Variants in A4GALT observed in about 807,000 individuals in gnomAD.
A4GALT encodes the protein alpha 1,4-galactosyltransferase (P1PK blood group), also known as lactosylceramide 4-alpha-galactosyltransferase.
For synonymous variants in A4GALT, 257 were observed against 220.7 expected, an observed-to-expected ratio of 1.16 and a Z score of -1.46; for missense variants, 512 against 486.0, an observed-to-expected ratio of 1.05 and a Z score of -0.50.
In A4GALT at chr22:42,700,868, T is replaced by C. The variant is rs78164377; in HGVS notation, c.-187-5237A>G. ...TCCGGCAGGGGAACTGGTGGGTATC[T>C]GTGTGCAGAAGTCTCTGATGGGGCT... On this transcript the variant is annotated intron_variant, in intron 1 of 2. Coordinates refer to ENST00000642412, the MANE Select transcript of A4GALT (RefSeq NM_017436.7). 8.8e-3 allele frequency among the ~76,000 whole-genome samples: 1,338 copies of C among 152,302 alleles called. 16 individuals carry two copies. The highest frequency in any genetic ancestry group is 0.031 in the African/African-American group (1,292 of 41,556).
intron 1 of A4GALT, among the ~76,000 whole-genome samples, chr22:42,699,627 A>T (rs543818605): frequency 1.5e-4 from 23 of 152,280 alleles, no homozygotes; most frequent in African/African-American, 5.5e-4. Flanking sequence ...GACTGCACAG[A>T]GGGAGATGTT....
At chr22:42,702,661 G>GCAGCCTTGGCTGGCACATGCT (rs1269632432) in intron 1 of A4GALT, among the ~76,000 whole-genome samples, 8 of 145,446 alleles carry the variant, frequency 5.5e-5, no homozygotes, top group African/African-American at 1.7e-4. Flanking sequence ...ACCCCCAACT[G>GCAGCCTTGGCTGGCACATGCT]GCATGGGAGC....
At chr22:42,703,449 T>C (rs901716272) in intron 1 of A4GALT, among the ~76,000 whole-genome samples, 1 of 151,872 alleles carries the variant, frequency 6.6e-6, no homozygotes, top group Admixed American at 6.6e-5. Flanking sequence ...AGAGACGGGG[T>C]TTCACCATCT....
intron 1 of A4GALT, among the ~76,000 whole-genome samples, chr22:42,716,079 G>A (rs890309912): frequency 5.3e-5 from 8 of 151,682 alleles, no homozygotes; most frequent in Non-Finnish European, 1.2e-4. Context: ...TGATCCGCCC[G>A]CTTCGGCCTC....
Position 42,693,754 on chromosome 22 carries a change from G to T in A4GALT, c.198C>A (p.Pro66=). The change falls in exon 3 of 3, where the codon CCC becomes CCA. Residue 66 remains proline, a synonymous_variant. Coordinates refer to ENST00000642412, the MANE Select transcript of A4GALT (RefSeq NM_017436.7). ...TGGGGCCGTGGGAGGGTGGGGTGGG[G>T]GGTGTCAAGGTGGGGCAGGGGATCT... is the stretch of plus-strand genomic sequence containing the variant. ...PAEIPCPTLT[P]PTPPSHGPTP... 6.2e-7 allele frequency: 1 copy of T among 1,607,534 alleles called. No individual in the cohort carries two copies.
chr22:42,697,692 A>G (rs12628541), intron 1 of A4GALT, among the ~76,000 whole-genome samples: 18,185 of 152,164 alleles, frequency 0.12, 1,700 homozygotes, highest in East Asian at 0.55. Flanking sequence ...CCCAATATCC[A>G]GGTGACCTCA....
chr22:42,708,270 C>T (rs1921337873), intron 1 of A4GALT, among the ~76,000 whole-genome samples: 1 of 152,064 alleles, frequency 6.6e-6, no homozygotes, highest in Non-Finnish European at 1.5e-5. Context: ...ACCTGTAATC[C>T]CAGCTACTTG....
chr22:42,703,877 T>G (rs974814781), intron 1 of A4GALT, among the ~76,000 whole-genome samples: 1 of 152,160 alleles, frequency 6.6e-6, no homozygotes, highest in Non-Finnish European at 1.5e-5. Context: ...GAGTACAGAA[T>G]TCAAATCCAG....
intron 1 of A4GALT, among the ~76,000 whole-genome samples, chr22:42,703,535 T>C (rs1920943190): frequency 6.6e-6 from 1 of 152,146 alleles, no homozygotes; most frequent in African/African-American, 2.4e-5. Flanking sequence ...ATTACAGGTG[T>C]GAGCCACTGT....
At chr22:42,708,960 A>G (rs556093223) in intron 1 of A4GALT, among the ~76,000 whole-genome samples, 42 of 151,990 alleles carry the variant, frequency 2.8e-4, no homozygotes, top group African/African-American at 9.9e-4. Flanking sequence ...CACCAGGGCA[A>G]AACATTTTGG....
At chr22:42,707,313 G>C (rs1249772875) in intron 1 of A4GALT, among the ~76,000 whole-genome samples, 1 of 151,916 alleles carries the variant, frequency 6.6e-6, no homozygotes, top group African/African-American at 2.4e-5. Context: ...TTAAAAATCG[G>C]GAATTTTTTA....
intron 1 of A4GALT, among the ~76,000 whole-genome samples, chr22:42,704,879 C>CG (rs34144703): frequency 1.2e-3 from 119 of 95,996 alleles, no homozygotes; most frequent in Admixed American, 2.9e-3. Context: ...TGGGGGGGGG[C>CG]GGGGGGGGGC....
At chr22:42,716,977 C>A (rs1018799597) in intron 1 of A4GALT, among the ~76,000 whole-genome samples, 5 of 152,190 alleles carry the variant, frequency 3.3e-5, no homozygotes, top group Non-Finnish European at 7.4e-5. Context: ...GACTGCACAG[C>A]GTGACCGCAG....
intron 1 of A4GALT, among the ~76,000 whole-genome samples, chr22:42,706,354 C>CAAAAAAAAAAAAAAAAAAAAAAAAA (rs1164664187): frequency 1.2e-5 from 1 of 83,820 alleles, no homozygotes; most frequent in African/African-American, 4.9e-5. Context: ...GACTCCATCC[C>CAAAAAAAAAAAAAAAAAAAAAAAAA]AAAAAAAAAA....
At chr22:42,714,858 A>G (rs889313395) in intron 1 of A4GALT, among the ~76,000 whole-genome samples, 2 of 152,148 alleles carry the variant, frequency 1.3e-5, no homozygotes, top group African/African-American at 4.8e-5. Flanking sequence ...GGCAGGGGCT[A>G]CTACATACAG....
chr22:42,693,441 G>A lies in A4GALT; in HGVS notation c.511C>T (p.Leu171=). The part of the protein sequence containing the change: ...AVQGRWEPYL[L]PVLSDASRIA... ...CTGGAGGCGTCGGAGAGCACGGGCA[G>A]CAGGTAGGGCTCCCAGCGCCCCTGC... Residue 171 remains leucine (L), a synonymous_variant, in exon 3 of 3, where the codon CTG becomes TTG. Transcript: ENST00000642412. 6.2e-7 allele frequency: 1 copy of A among 1,613,322 alleles called. No individual in the cohort carries two copies. Among genetic ancestry groups the A allele is most frequent in the East Asian group, 2.2e-5 (1 of 44,878 alleles).
rs201433658 is a variant in A4GALT, at chr22:42,693,991, G to A, written c.-40C>T. ...AGACCAGGAGCTTCCAGCAGGAACC[G>A]GCTGGTCTGCAAGAGATGAGCACCC... On this transcript the variant is annotated 5_prime_UTR_variant, in exon 3 of 3. Transcript: ENST00000642412. The A allele has an allele frequency of 4.6e-6, 7 of 1,528,900 alleles. No homozygotes were observed. The highest frequency in any genetic ancestry group is 4.1e-5 in the African/African-American group (3 of 72,910). 94.7% of individuals were successfully genotyped at this position (1,528,900 alleles called of 1,614,324 possible).
chr22:42,709,343 CCA>C (rs1491349642), intron 1 of A4GALT, among the ~76,000 whole-genome samples: 53 of 102,454 alleles, frequency 5.2e-4, no homozygotes, highest in East Asian at 1.6e-3. Flanking sequence ...CTGTGCCAGG[CCA>C]AAAAAAAAAA....
intron 1 of A4GALT, among the ~76,000 whole-genome samples, chr22:42,710,245 C>T (rs1921559619): frequency 1.3e-5 from 2 of 151,914 alleles, no homozygotes; most frequent in Non-Finnish European, 2.9e-5. Context: ...CTGGAAAAGT[C>T]AAGATAAATA....
Sources: gnomAD v4.1 joint callset for allele counts (sites outside exome capture counted in the v4.1 genomes callset) on GRCh38, gnomAD v4.1.1 for gene constraint, MANE v1.5 for transcripts, NCBI Gene and HGNC (gene_info 2026-07-23, HGNC 2026-07-21) for gene names.